Variants in ZNF385D observed in about 807,000 individuals in gnomAD.
ZNF385D encodes zinc finger protein 659.
Under a neutral mutation model 35.8 loss-of-function variants are expected in ZNF385D, and 15 were observed. The ratio of observed to expected loss-of-function variants is 0.42; its 90% CI spans 0.28 to 0.64. ZNF385D has a LOEUF of 0.64. Ranked by LOEUF, ZNF385D falls within the 30% of genes least tolerant of loss-of-function variation. The pLI is 0.23. For synonymous variants in ZNF385D, 212 were observed against 186.8 expected (o/e 1.13, Z -1.10); for missense variants, 474 against 494.6 (o/e 0.96, Z 0.39).
At chr3:22,015,982 G>A (rs558604770) in intron 3 of ZNF385D, among the ~76,000 whole-genome samples, 146 of 152,226 alleles carry the variant, frequency 9.6e-4, no homozygotes, top group Middle Eastern at 3.4e-3. Flanking sequence ...CAAACCAAAA[G>A]AGTAAGGGAG....
chr3:21,885,703 G>C (rs1294850103), intron 3 of ZNF385D, among the ~76,000 whole-genome samples: 1 of 150,134 alleles, frequency 6.7e-6, no homozygotes, highest in African/African-American at 2.4e-5. Context: ...TATTATATTA[G>C]GGTTTTCCAT....
At chr3:21,514,111 T>C (rs1372138271) in intron 3 of ZNF385D, among the ~76,000 whole-genome samples, 1 of 152,178 alleles carries the variant, frequency 6.6e-6, no homozygotes, top group Non-Finnish European at 1.5e-5. Flanking sequence ...TCTGCTTTTC[T>C]TTTGAGCAGA....
intron 3 of ZNF385D, among the ~76,000 whole-genome samples, chr3:21,811,824 G>C (rs1429335428): frequency 6.6e-6 from 1 of 152,166 alleles, no homozygotes; most frequent in African/African-American, 2.4e-5. Flanking sequence ...CAATCATCAT[G>C]AATTTTTCCA....
chr3:21,994,004 T>C (rs886721203), intron 3 of ZNF385D, among the ~76,000 whole-genome samples: 1 of 152,110 alleles, frequency 6.6e-6, no homozygotes, highest in Non-Finnish European at 1.5e-5. Context: ...TAATCTGGAG[T>C]TGGTTTCTCC....
At chr3:21,595,254 T>C (rs1247910181) in intron 2 of ZNF385D, among the ~76,000 whole-genome samples, 1 of 152,044 alleles carries the variant, frequency 6.6e-6, no homozygotes, top group Non-Finnish European at 1.5e-5. Flanking sequence ...CTTTTCACCT[T>C]TATTCAGTTC....
intron 1 of ZNF385D, among the ~76,000 whole-genome samples, chr3:21,672,075 T>C (rs1018879786): frequency 6.6e-6 from 1 of 152,088 alleles, no homozygotes; most frequent in African/African-American, 2.4e-5. Context: ...CCTGTTGGGA[T>C]TTTTTACTCT....
At chr3:21,598,930 T>C (rs750599116) in intron 2 of ZNF385D, among the ~76,000 whole-genome samples, 1 of 152,208 alleles carries the variant, frequency 6.6e-6, no homozygotes, top group African/African-American at 2.4e-5. Flanking sequence ...CTGAGCTGAA[T>C]GGAACAACTA....
chr3:22,066,532 CTGTGTGTGTGTGTGTGTGTGTGTGTGTG>C (rs10536628), intron 3 of ZNF385D, among the ~76,000 whole-genome samples: 11,569 of 91,290 alleles, frequency 0.13, 695 homozygotes, highest in Middle Eastern at 0.29. Context: ...AGATGGTTCC[CTGTGTGTGTGTGTGTGTGTGTGTGTGTG>C]TGTGTGTGTG....
At chr3:22,237,811 T>G (rs764896284) in intron 2 of ZNF385D, among the ~76,000 whole-genome samples, 22 of 151,948 alleles carry the variant, frequency 1.4e-4, no homozygotes, top group Non-Finnish European at 2.8e-4. Context: ...GCCTGGCTAA[T>G]TTTTGTATTT....
chr3:21,857,382 T>C (rs1696781916), intron 3 of ZNF385D, among the ~76,000 whole-genome samples: 1 of 152,084 alleles, frequency 6.6e-6, no homozygotes, highest in Admixed American at 6.6e-5. Context: ...GTAAGTTGTA[T>C]TCCTTAGGTG....
At chr3:22,238,659 A>G (rs1289267960) in intron 2 of ZNF385D, among the ~76,000 whole-genome samples, 2 of 150,798 alleles carry the variant, frequency 1.3e-5, no homozygotes, top group Non-Finnish European at 2.9e-5. Context: ...TACAGAACTC[A>G]TTTATTAGCT....
At chr3:21,634,015 A>G (rs948420970) in intron 2 of ZNF385D, among the ~76,000 whole-genome samples, 1 of 151,854 alleles carries the variant, frequency 6.6e-6, no homozygotes, top group South Asian at 2.1e-4. Context: ...AGGCAGCATA[A>G]CAAGACCCCC....
At chr3:21,838,212 A>C (rs1695446991) in intron 3 of ZNF385D, among the ~76,000 whole-genome samples, 1 of 152,080 alleles carries the variant, frequency 6.6e-6, no homozygotes, top group African/African-American at 2.4e-5. Context: ...AATATGGAAA[A>C]TTCAAGAAGA....
intron 2 of ZNF385D, among the ~76,000 whole-genome samples, chr3:22,256,989 C>T (rs535307323): frequency 5.3e-5 from 8 of 151,792 alleles, no homozygotes; most frequent in Admixed American, 2.0e-4. Flanking sequence ...AAACCCAAGA[C>T]CTCAGATGAA....
intron 2 of ZNF385D, among the ~76,000 whole-genome samples, chr3:22,219,180 G>T (rs1285098888): frequency 6.6e-6 from 1 of 152,054 alleles, no homozygotes; most frequent in African/African-American, 2.4e-5. Flanking sequence ...TGACTATGAA[G>T]ACATATTATT....
At position 21,673,286 on chromosome 3, in the gene ZNF385D, G is replaced by A. The variant is rs111977901; in HGVS notation, c.23-8258C>T. On this transcript the variant is annotated intron_variant, in intron 1 of 7. Transcript: ENST00000281523. Reference sequence around the variant, plus strand: ...AATTCAGTTATCAGTCACACTAGCCGCATTTCAAACGTCTGATAGCCACAT... The same window carrying A: ...AATTCAGTTATCAGTCACACTAGCCACATTTCAAACGTCTGATAGCCACAT... Among the ~76,000 whole-genome samples, 44 of 152,098 alleles carry A rather than the reference G, an allele frequency of 2.9e-4. 1 individual carries two copies. Among genetic ancestry groups the A allele is most frequent in the African/African-American group, 9.2e-4 (38 of 41,430 alleles).
chr3:21,896,820 CTT>C (rs11410914), intron 3 of ZNF385D, among the ~76,000 whole-genome samples: 68 of 146,998 alleles, frequency 4.6e-4, no homozygotes, highest in African/African-American at 5.7e-4. Flanking sequence ...GTTCTTAATA[CTT>C]TTTTTTTTTT....
intron 1 of ZNF385D, among the ~76,000 whole-genome samples, chr3:21,703,619 G>C (rs959239935): frequency 6.6e-6 from 1 of 151,400 alleles, no homozygotes; most frequent in Admixed American, 6.6e-5. Context: ...TAAAAAAGCA[G>C]TTACTGCAAC....
chr3:21,753,054 A>C (rs964174496), upstream of ZNF385D, among the ~76,000 whole-genome samples: 1 of 152,164 alleles, frequency 6.6e-6, no homozygotes, highest in African/African-American at 2.4e-5. Context: ...GGAGATTTGA[A>C]ACATTAAAGG....
Sources: allele counts gnomAD v4.1 joint callset (sites outside exome capture counted in the v4.1 genomes callset), GRCh38; gene constraint gnomAD v4.1.1; transcripts MANE v1.5; gene names NCBI Gene and HGNC (gene_info 2026-07-23, HGNC 2026-07-21).